The following TNC variants were observed in gnomAD, a reference collection of about 807,000 sequenced individuals.
The protein encoded by TNC is tenascin.
TNC carries 109 observed loss-of-function variants against 202.4 expected under a neutral mutation model. The observed-to-expected ratio is 0.54, with a 90% CI of 0.46 to 0.63. The LOEUF (loss-of-function observed/expected upper bound fraction) is 0.63. Among genes scored for constraint, TNC ranks in the 30% least tolerant of loss-of-function variants. The pLI, the probability that TNC is intolerant of heterozygous loss-of-function variation, is 0.00. For synonymous variants in TNC, 1,007 were observed against 1,089.7 expected (o/e 0.92, Z 1.50); for missense variants, 2,756 against 2,833.3 (o/e 0.97, Z 0.62).
Position 115,049,940 on chromosome 9 carries a change from TC to T in TNC, c.4580-1409del, listed in dbSNP as rs1449913814. Among the ~76,000 whole-genome samples the T allele has an allele frequency of 1.5e-4, 23 of 152,338 alleles. No homozygotes were observed. The East Asian group carries it at 1.5e-3, about 10-fold the overall frequency. On this transcript the variant is annotated intron_variant, in intron 15 of 27. Transcript: ENST00000350763. ...TTTAAATTTTGCTGTGGCTTGGACT[TC>T]CTGTAGTTATTTTGAAACACTTGGT... is the stretch of plus-strand genomic sequence containing the variant.
At chr9:115,093,069 A>T (rs1835354650) in intron 1 of TNC, among the ~76,000 whole-genome samples, 1 of 152,178 alleles carries the variant, frequency 6.6e-6, no homozygotes, top group Non-Finnish European at 1.5e-5. Context: ...AGAATGCATC[A>T]ACATGATCCC....
chr9:115,111,399 C>CTTTTTTTTTTTTTTTTTT (rs71375272), intron 1 of TNC, among the ~76,000 whole-genome samples: 2 of 71,360 alleles, frequency 2.8e-5, no homozygotes, highest in African/African-American at 6.0e-5. Flanking sequence ...CTCTCTCTCT[C>CTTTTTTTTTTTTTTTTTT]TTTTTTTTTT....
intron 1 of TNC, among the ~76,000 whole-genome samples, chr9:115,103,442 T>A (rs1242884976): frequency 6.6e-6 from 1 of 152,186 alleles, no homozygotes; most frequent in Non-Finnish European, 1.5e-5. Flanking sequence ...TTTTTTAAGT[T>A]CCCAGATACT....
At chr9:115,072,906 G>A (rs191224779) in intron 10 of TNC, among the ~76,000 whole-genome samples, 117 of 152,220 alleles carry the variant, frequency 7.7e-4, no homozygotes, top group Non-Finnish European at 1.2e-3. Context: ...TAAAAACCTG[G>A]TTGTCTCTTC....
rs770024731 is a variant in TNC, at chr9:115,086,792, G to T, written c.939C>A (p.Leu313=). The change falls in exon 3 of 28, where the codon CTC becomes CTA. Residue 313 remains leucine (L), a synonymous_variant. Transcript: ENST00000350763. ...GGTCGAAGCAGTCATTGGGGCAGAT[G>T]AGCTCACTGCAGTCTTCGCCCGTGA... ...EGFTGEDCSE[L]ICPNDCFDRG... 6.2e-7 allele frequency: 1 copy of T among 1,613,838 alleles called. No individual in the cohort carries two copies. Among genetic ancestry groups the T allele is most frequent in the South Asian group, 1.1e-5 (1 of 91,084 alleles).
intron 1 of TNC, among the ~76,000 whole-genome samples, chr9:115,092,306 G>C (rs1835292438): frequency 1.3e-5 from 2 of 152,170 alleles, no homozygotes; most frequent in South Asian, 4.1e-4. Context: ...CTACCATGAA[G>C]CAATTCTCAC....
intron 3 of TNC, 50 bp downstream of exon 3, chr9:115,085,814 A>G: frequency 1.3e-6 from 2 of 1,516,912 alleles, no homozygotes; most frequent in Non-Finnish European, 1.8e-6. Flanking sequence ...CCATACTAGG[A>G]GTCCACTCCA....
At chr9:115,059,279 A>G (rs745547631) in intron 14 of TNC, among the ~76,000 whole-genome samples, 5 of 152,194 alleles carry the variant, frequency 3.3e-5, no homozygotes, top group Non-Finnish European at 5.9e-5. Flanking sequence ...CACACTACCC[A>G]TATCCTTGAG....
In TNC at chr9:115,024,067, G is replaced by A. The variant is rs369462979; in HGVS notation, c.6401C>T (p.Thr2134Ile). Residue 2134 changes from threonine to isoleucine, a missense_variant, in exon 27 of 28, where the codon ACC becomes ATC. By Grantham distance (89) the Thr-to-Ile change is moderately conservative. Transcript: ENST00000350763. ...TFDKDTDSAI[T>I]NCALSYKGAF... is the part of the protein sequence containing the mutation. ...CCCTTTGTAGGACAGAGCACAGTTGGTGATGGCTGAATCTGTGTCCTTGTC... is the reference window on the plus strand; with the variant it reads ...CCCTTTGTAGGACAGAGCACAGTTGATGATGGCTGAATCTGTGTCCTTGTC... 3.1e-6 allele frequency: 5 copies of A among 1,614,062 alleles called. No homozygotes were observed. Among genetic ancestry groups the A allele is most frequent in the African/African-American group, 2.7e-5 (2 of 74,936 alleles).
chr9:115,064,645 AC>A lies in TNC; in HGVS notation c.3487+1del, dbSNP rs762154468. 4.4e-6 allele frequency: 7 copies of A among 1,592,240 alleles called. No individual in the cohort carries two copies. Among genetic ancestry groups the A allele is most frequent in the South Asian group, 3.4e-5 (3 of 89,448 alleles). On this transcript the variant is annotated splice_donor_variant, in intron 11 of 27. Transcript: ENST00000350763. LOFTEE classifies it high-confidence loss of function. The stretch of plus-strand genomic sequence containing the variant: ...AGCTATAAATAGAAAGGAAAGAGAT[AC>A]CTGTGGAGGCCTCAGCAGAGAGCAC...
intron 13 of TNC, among the ~76,000 whole-genome samples, chr9:115,061,378 G>C (rs952526146): frequency 5.9e-5 from 9 of 152,156 alleles, no homozygotes; most frequent in African/African-American, 1.9e-4. Flanking sequence ...AAGAACAGCT[G>C]TTCACTTATC....
chr9:115,074,511 T>A (rs1833695975), intron 9 of TNC, among the ~76,000 whole-genome samples: 2 of 152,220 alleles, frequency 1.3e-5, no homozygotes, highest in East Asian at 3.8e-4. Flanking sequence ...AAATTTCTTC[T>A]GTTTATAAGT....
At chr9:115,084,145 G>C in intron 4 of TNC, 64 bp downstream of exon 4, 2 of 1,549,264 alleles carry the variant, frequency 1.3e-6, no homozygotes, top group Non-Finnish European at 1.7e-6. Flanking sequence ...CGTGGCGAGG[G>C]AGGGTTATAC....
At chr9:115,036,280 A>G in intron 20 of TNC, 39 bp from the exon 21 acceptor site, 1 of 1,608,518 alleles carries the variant, frequency 6.2e-7, no homozygotes, top group Non-Finnish European at 8.5e-7. Context: ...GTCACCTCTC[A>G]CTGTCTGAGC....
At position 115,046,701 on chromosome 9, in the gene TNC, G is replaced by T. The variant is rs1294715688; in HGVS notation, c.4853-19C>A. 2.5e-6 allele frequency: 4 copies of T among 1,610,446 alleles called. No homozygotes were observed. Among genetic ancestry groups the T allele is most frequent in the Non-Finnish European group, 3.4e-6 (4 of 1,178,644 alleles). On this transcript the variant is annotated intron_variant, in intron 16 of 27. Coordinates refer to ENST00000350763, the MANE Select transcript of TNC (RefSeq NM_002160.4). ...TCGGCTTCTAGAGGGAGAGAAAATG[G>T]TGGGAGAAGGAGGAAAGACAACATC... is the stretch of plus-strand genomic sequence containing the variant.
At position 115,076,578 on chromosome 9, in the gene TNC, G is replaced by A. The variant is rs1304518948; in HGVS notation, c.2675-3C>T. The A allele has an allele frequency of 3.1e-6, 5 of 1,613,964 alleles. No individual in the cohort carries two copies. The highest frequency in any genetic ancestry group is 4.2e-6 in the Non-Finnish European group (5 of 1,179,928). ...AAGATTCCTGGGAGCATCGAGGCCT[G>A]TTTGAGAGAAGGAACATTTGTATTG... On this transcript the variant is annotated splice_polypyrimidine_tract_variant and splice_region_variant and intron_variant, in intron 7 of 27. Transcript: ENST00000350763.
chr9:115,079,626 G>A (rs1009599022), intron 6 of TNC, among the ~76,000 whole-genome samples: 2 of 152,130 alleles, frequency 1.3e-5, no homozygotes, highest in African/African-American at 4.8e-5. Flanking sequence ...GTGCAAAGAT[G>A]GTGCTTTGTT....
intron 1 of TNC, among the ~76,000 whole-genome samples, chr9:115,111,823 A>C (rs1436780491): frequency 6.6e-6 from 1 of 152,078 alleles, no homozygotes; most frequent in African/African-American, 2.4e-5. Flanking sequence ...TGAGGCCCTC[A>C]GTTCAATATC....
chr9:115,048,486 G>C lies in TNC; in HGVS notation c.4626C>G (p.Pro1542=), dbSNP rs779802646. 6.2e-7 allele frequency: 1 copy of C among 1,613,940 alleles called. No individual in the cohort carries two copies. Among genetic ancestry groups the C allele is most frequent in the South Asian group, 1.1e-5 (1 of 91,076 alleles). ...CCATCCAGGAAACTGTGAACCCGTA[G>C]GGATTAATGTCGGAAATGGTTAGGT... ...LENLTISDIN[P]YGFTVSWMAS... The change falls in exon 16 of 28, where the codon CCC becomes CCG. Residue 1542 remains proline, a synonymous_variant. Coordinates refer to ENST00000350763, the MANE Select transcript of TNC (RefSeq NM_002160.4).
Sources: allele counts gnomAD v4.1 joint callset (sites outside exome capture counted in the v4.1 genomes callset), GRCh38; gene constraint gnomAD v4.1.1; transcripts MANE v1.5; gene names NCBI Gene and HGNC (gene_info 2026-07-23, HGNC 2026-07-21).